TBCK: variants seen among roughly 807,000 people sequenced by gnomAD.
TBCK encodes the protein TBC domain-containing protein kinase-like protein.
In TBCK, 99 loss-of-function variants were observed where a neutral mutation model predicts 113.4. That is an observed-to-expected ratio of 0.87 (90% CI 0.74 to 1.03). TBCK has a LOEUF of 1.03. Ranked by LOEUF, TBCK falls within the 50% of genes least tolerant of loss-of-function variation. The pLI, the probability that TBCK is intolerant of heterozygous loss-of-function variation, is 0.00. For missense variants in TBCK, 1,045 were observed against 1,061.3 expected (o/e 0.98, Z 0.21); for synonymous variants, 369 against 370.8 (o/e 1.00, Z 0.05).
intron 1 of TBCK, among the ~76,000 whole-genome samples, chr4:106,314,826 T>G (rs2125911375): frequency 6.6e-6 from 1 of 151,828 alleles, no homozygotes; most frequent in Admixed American, 6.6e-5. Context: ...GGTTTCACCA[T>G]CCTGGCCAGG....
intron 23 of TBCK, among the ~76,000 whole-genome samples, chr4:106,149,115 A>G (rs546607237): frequency 3.3e-5 from 5 of 152,316 alleles, no homozygotes; most frequent in East Asian, 1.9e-4. Context: ...ATGGCCTTAC[A>G]GAACCAAAGA....
At chr4:106,292,784 A>G (rs1021927957) in intron 3 of TBCK, among the ~76,000 whole-genome samples, 2 of 152,196 alleles carry the variant, frequency 1.3e-5, no homozygotes, top group Non-Finnish European at 2.9e-5. Flanking sequence ...GTGACACAGA[A>G]TAGGTCACAA....
intron 3 of TBCK, among the ~76,000 whole-genome samples, chr4:106,274,107 C>T (rs1763776320): frequency 6.6e-6 from 1 of 152,122 alleles, no homozygotes; most frequent in Admixed American, 6.6e-5. Flanking sequence ...AAGAACAATA[C>T]ATTATTGTTT....
chr4:106,288,652 G>C (rs1033977203), intron 3 of TBCK, among the ~76,000 whole-genome samples: 2 of 152,178 alleles, frequency 1.3e-5, no homozygotes, highest in African/African-American at 4.8e-5. Flanking sequence ...TCTATGTCTG[G>C]CTTCTTTTGC....
At chr4:106,259,305 A>T (rs1257243267) in intron 5 of TBCK, among the ~76,000 whole-genome samples, 1 of 151,888 alleles carries the variant, frequency 6.6e-6, no homozygotes, top group Non-Finnish European at 1.5e-5. Flanking sequence ...ATTCTGTTTG[A>T]AAAACACACT....
Position 106,157,251 on chromosome 4 carries a change from T to C in TBCK, c.2235+13844A>G, listed in dbSNP as rs75812907. On this transcript the variant is annotated intron_variant, in intron 23 of 25. Coordinates refer to ENST00000394708, the MANE Select transcript of TBCK (RefSeq NM_001163435.3). ...GAGACCTCTTTATTCTTCTCCCTCC[T>C]CTCCTTAAGTGGAAAGAAGGTGTCT... Among the ~76,000 whole-genome samples the C allele has an allele frequency of 1.3e-3, 205 of 152,208 alleles. 3 individuals are homozygous for C. Among genetic ancestry groups the C allele is most frequent in the African/African-American group, 4.6e-3 (190 of 41,542 alleles).
chr4:106,266,239 C>T (rs1246622427), intron 3 of TBCK, among the ~76,000 whole-genome samples: 1 of 151,676 alleles, frequency 6.6e-6, no homozygotes, highest in Non-Finnish European at 1.5e-5. Flanking sequence ...GAGAAACATT[C>T]CCTGAGATTA....
chr4:106,111,323 A>G (rs550955102), intron 24 of TBCK, among the ~76,000 whole-genome samples: 2 of 152,304 alleles, frequency 1.3e-5, no homozygotes, highest in East Asian at 1.9e-4. Flanking sequence ...CTAATTTGCA[A>G]CCTATGGGGC....
At chr4:106,304,920 C>T (rs1767344848) in intron 2 of TBCK, among the ~76,000 whole-genome samples, 1 of 152,124 alleles carries the variant, frequency 6.6e-6, no homozygotes, top group Admixed American at 6.5e-5. Context: ...TTCTCAAATC[C>T]CAAACCCCTC....
intron 25 of TBCK, among the ~76,000 whole-genome samples, chr4:106,059,055 A>C (rs1000208536): frequency 2.6e-5 from 4 of 151,774 alleles, no homozygotes; most frequent in African/African-American, 9.7e-5. Context: ...ACTTCAAATA[A>C]ACAGGCTGGG....
chr4:106,143,032 C>T (rs961721881), intron 23 of TBCK, among the ~76,000 whole-genome samples: 4 of 152,262 alleles, frequency 2.6e-5, no homozygotes, highest in Admixed American at 6.5e-5. Flanking sequence ...AATACTATAT[C>T]CTATATCATG....
chr4:106,238,897 T>C (rs1046797561), intron 12 of TBCK, among the ~76,000 whole-genome samples: 1 of 152,098 alleles, frequency 6.6e-6, no homozygotes, highest in African/African-American at 2.4e-5. Flanking sequence ...CACAGACTAA[T>C]ACGAGAGAGA....
Position 106,046,020 on chromosome 4 carries a change from C to T in TBCK, c.*550G>A, listed in dbSNP as rs1734186204. 1 of 151,956 alleles carries T rather than the reference C, an allele frequency of 6.6e-6. No individual in the cohort carries two copies. The allele number at this position is 151,956 out of a possible 1,614,324, so 9.4% of individuals were successfully genotyped here. The stretch of plus-strand genomic sequence containing the variant: ...ATTTTTCTGGGAGTAAGTATTACCA[C>T]TTTCTGCAATGGGATAAACTCCACT... On this transcript the variant is annotated 3_prime_UTR_variant, in exon 26 of 26. Transcript: ENST00000394708.
chr4:106,160,087 A>G (rs1421645129), intron 23 of TBCK, among the ~76,000 whole-genome samples: 2 of 152,044 alleles, frequency 1.3e-5, no homozygotes, highest in Non-Finnish European at 2.9e-5. Flanking sequence ...AAAAGAATGA[A>G]GCTGAACTCT....
In TBCK at chr4:106,212,783, A is replaced by G. The variant is rs371246614; in HGVS notation, c.1827T>C (p.Ser609=). The change falls in exon 20 of 26, where the codon AGT becomes AGC. Residue 609 remains serine (S), a synonymous_variant. Coordinates refer to ENST00000394708, the MANE Select transcript of TBCK (RefSeq NM_001163435.3). ...QMIAFHDPEL[S]NHLNEIGFIP... is the part of the protein sequence containing the mutation. ...TGAAACCAATCTCATTGAGATGATTACTCAGCTCTGGATCATGAAATGCAA... is the reference window on the plus strand; with the variant it reads ...TGAAACCAATCTCATTGAGATGATTGCTCAGCTCTGGATCATGAAATGCAA... 2.5e-6 allele frequency: 4 copies of G among 1,612,802 alleles called. No individual in the cohort carries two copies. Among genetic ancestry groups the G allele is most frequent in the East Asian group, 4.5e-5 (2 of 44,714 alleles).
At chr4:106,219,865 CT>C (rs1379663847) in intron 19 of TBCK, among the ~76,000 whole-genome samples, 1 of 152,116 alleles carries the variant, frequency 6.6e-6, no homozygotes, top group Non-Finnish European at 1.5e-5. Flanking sequence ...CATCATAAAA[CT>C]TTTCCCTTCA....
intron 23 of TBCK, among the ~76,000 whole-genome samples, chr4:106,144,287 C>T (rs1163522406): frequency 1.3e-5 from 2 of 152,194 alleles, no homozygotes; most frequent in Admixed American, 1.3e-4. Context: ...TTGAAGAGCT[C>T]TGTTTCGAAT....
At chr4:106,114,654 A>C (rs957344089) in intron 24 of TBCK, among the ~76,000 whole-genome samples, 3 of 152,214 alleles carry the variant, frequency 2.0e-5, no homozygotes, top group African/African-American at 7.2e-5. Flanking sequence ...CAGGGTCTGC[A>C]GATTGGACCT....
chr4:106,191,051 G>A (rs75624967), intron 22 of TBCK, among the ~76,000 whole-genome samples: 6,334 of 152,222 alleles, frequency 0.042, 264 homozygotes, highest in African/African-American at 0.095. Flanking sequence ...CAATTGCTCA[G>A]TGAACATATT....
Sources: allele counts gnomAD v4.1 joint callset (sites outside exome capture counted in the v4.1 genomes callset), GRCh38; gene constraint gnomAD v4.1.1; transcripts MANE v1.5; gene names NCBI Gene and HGNC (gene_info 2026-07-23, HGNC 2026-07-21).